Variants in ZNF33A observed in about 807,000 individuals in gnomAD.
The protein encoded by ZNF33A is brain my041 protein.
In ZNF33A, 9 loss-of-function variants were observed where a neutral mutation model predicts 15.9. The observed-to-expected ratio is 0.57, with a 90% confidence interval of 0.34 to 0.99. The LOEUF is 0.99. ZNF33A is among the 50% of genes least tolerant of loss of function. ZNF33A has a pLI of 0.02. For missense variants in ZNF33A, 843 were observed against 941.6 expected, an observed-to-expected ratio of 0.90 and a Z score of 1.37; for synonymous variants, 294 against 324.2, an observed-to-expected ratio of 0.91 and a Z score of 1.00.
At chr10:38,011,549 T>G (rs944295058) in intron 1 of ZNF33A, among the ~76,000 whole-genome samples, 1 of 152,036 alleles carries the variant, frequency 6.6e-6, no homozygotes, top group African/African-American at 2.4e-5. Context: ...CACTCCAGAC[T>G]GGGCAACAAG....
chr10:38,018,149 T>A (rs1476199636), intron 4 of ZNF33A, among the ~76,000 whole-genome samples: 1 of 152,222 alleles, frequency 6.6e-6, no homozygotes, highest in African/African-American at 2.4e-5. Flanking sequence ...ATATTATGTA[T>A]ACCTATATGT....
Position 38,012,280 on chromosome 10 carries a change from C to T in ZNF33A, c.-44-18C>T. The T allele has an allele frequency of 5.6e-6, 9 of 1,608,172 alleles. No homozygotes were observed. The highest frequency in any genetic ancestry group is 7.6e-6 in the Non-Finnish European group (9 of 1,178,416). On this transcript the variant is annotated intron_variant, in intron 1 of 4. Coordinates refer to ENST00000432900, the MANE Select transcript of ZNF33A (RefSeq NM_006954.2). The stretch of plus-strand genomic sequence containing the variant: ...AGGCCAAATCTTTCATGACCCCATT[C>T]CTCTTTTTCTAACTCAGCTGTATCT...
chr10:38,060,736 T>G (rs2066646121), downstream of ZNF33A, among the ~76,000 whole-genome samples: 1 of 152,242 alleles, frequency 6.6e-6, no homozygotes, highest in African/African-American at 2.4e-5. Flanking sequence ...AGTCCAATTT[T>G]AACTAACTGC....
intron 4 of ZNF33A, among the ~76,000 whole-genome samples, chr10:38,030,475 A>G (rs1313909719): frequency 1.3e-5 from 2 of 152,186 alleles, no homozygotes; most frequent in South Asian, 2.1e-4. Context: ...AAAAAACCCA[A>G]TCTCAAAAAT....
At chr10:38,037,933 G>A (rs1032967135) in intron 4 of ZNF33A, among the ~76,000 whole-genome samples, 1 of 152,180 alleles carries the variant, frequency 6.6e-6, no homozygotes, top group African/African-American at 2.4e-5. Flanking sequence ...GGTAGGGATT[G>A]TGTTGAGTTT....
At chr10:38,010,999 C>T (rs1199710709) in intron 1 of ZNF33A, among the ~76,000 whole-genome samples, 1 of 152,126 alleles carries the variant, frequency 6.6e-6, no homozygotes, top group Non-Finnish European at 1.5e-5. Context: ...GTGTGTCGCC[C>T]CATTTGTGGG....
chr10:38,016,098 T>C, intron 2 of ZNF33A: 3 of 985,072 alleles, frequency 3.0e-6, no homozygotes, highest in East Asian at 3.3e-5. Flanking sequence ...ATCCTTATTA[T>C]TGTCTCTGAA....
At position 38,055,211 on chromosome 10, in the gene ZNF33A, G is replaced by T; in HGVS notation, c.1087G>T (p.Glu363Ter). The change falls in exon 5 of 5, where the codon GAA (glutamate) becomes TAA (stop). Residue 363 changes from glutamate to a stop codon, truncating the protein, a stop_gained. Coordinates refer to ENST00000432900, the MANE Select transcript of ZNF33A (RefSeq NM_006954.2). LOFTEE classifies it low-confidence loss of function (END_TRUNC). ...GQKPFQCNEC[E>*]KAFWDKSNLT... ...GAAACCCTTTCAATGTAATGAATGTGAAAAAGCTTTCTGGGATAAGTCAAA... is the reference window on the plus strand; with the variant it reads ...GAAACCCTTTCAATGTAATGAATGTTAAAAAGCTTTCTGGGATAAGTCAAA... The T allele has an allele frequency of 6.2e-7, 1 of 1,614,134 alleles. No homozygotes were observed. The highest frequency in any genetic ancestry group is 1.1e-5 in the South Asian group (1 of 91,086).
rs928489287 is a variant in ZNF33A at position 38,057,425 on chromosome 10, A to G, written c.*865A>G. The G allele has an allele frequency of 1.7e-5, 17 of 985,336 alleles. No homozygotes were observed. Among genetic ancestry groups the G allele is most frequent in the African/African-American group, 3.5e-5 (2 of 57,260 alleles). 61.0% of individuals were successfully genotyped at this position (985,336 alleles called of 1,614,324 possible). The stretch of plus-strand genomic sequence containing the variant: ...TCCCTGAAGTTCAAAAGACTTATAT[A>G]TGTATAAGTGGTATGTGATATAAAT... On this transcript the variant is annotated 3_prime_UTR_variant, in exon 5 of 5. Transcript: ENST00000432900.
At chr10:38,053,506 T>C (rs1457989630) in intron 4 of ZNF33A, among the ~76,000 whole-genome samples, 4 of 152,142 alleles carry the variant, frequency 2.6e-5, no homozygotes, top group African/African-American at 9.7e-5. Context: ...AAAGTCCCCA[T>C]CTTCAAATAC....
upstream of ZNF33A, chr10:38,010,590 G>C: frequency 1.0e-6 from 1 of 995,434 alleles, no homozygotes; most frequent in Middle Eastern, 2.5e-4. Flanking sequence ...GGCCTCACGG[G>C]AAAGGTAGTT....
chr10:38,042,780 T>G (rs1388606067), intron 4 of ZNF33A, among the ~76,000 whole-genome samples: 1 of 152,194 alleles, frequency 6.6e-6, no homozygotes, highest in East Asian at 1.9e-4. Context: ...CTTGAAATCC[T>G]GGGCTTAAGT....
chr10:38,010,768 C>T lies in ZNF33A; in HGVS notation c.-60C>T. On this transcript the variant is annotated 5_prime_UTR_variant, in exon 1 of 5. Coordinates refer to ENST00000432900, the MANE Select transcript of ZNF33A (RefSeq NM_006954.2). ...CGCGCTTTTCTATGGCGAATGCAAC[C>T]CGACGAGGGAGTGGGGTAAGCCCCA... 6.3e-7 allele frequency: 1 copy of T among 1,598,444 alleles called. No individual in the cohort carries two copies. Among genetic ancestry groups the T allele is most frequent in the Non-Finnish European group, 8.5e-7 (1 of 1,179,814 alleles).
chr10:38,055,086 A>G lies in ZNF33A; in HGVS notation c.962A>G (p.Lys321Arg). The G allele has an allele frequency of 6.2e-7, 1 of 1,614,170 alleles. No individual in the cohort carries two copies. The highest frequency in any genetic ancestry group is 1.1e-5 in the South Asian group (1 of 91,084). The change falls in exon 5 of 5, where the codon AAA (lysine) becomes AGA (arginine). Residue 321 changes from lysine (K) to arginine (R), a missense_variant. By Grantham distance (26) the Lys-to-Arg change is conservative. Transcript: ENST00000432900. Reference sequence around the variant, plus strand: ...AAATTGTGTCTGTCACACCTTCAGAAAGGTGATAAAGGAGAGAAACACTTT... The same window carrying G: ...AAATTGTGTCTGTCACACCTTCAGAGAGGTGATAAAGGAGAGAAACACTTT... Reference protein sequence around the residue: ...RRKLCLSHLQKGDKGEKHFEC... With the variant: ...RRKLCLSHLQRGDKGEKHFEC...
At chr10:38,035,251 G>A (rs950491334) in intron 4 of ZNF33A, among the ~76,000 whole-genome samples, 3 of 149,490 alleles carry the variant, frequency 2.0e-5, no homozygotes, top group South Asian at 2.2e-4. Flanking sequence ...TCAAGTAGCC[G>A]GGACTACAGG....
intron 4 of ZNF33A, among the ~76,000 whole-genome samples, chr10:38,029,603 G>A (rs1169407520): frequency 6.6e-6 from 1 of 152,138 alleles, no homozygotes; most frequent in African/African-American, 2.4e-5. Flanking sequence ...GTTTGGAGCT[G>A]TGTACTCCAC....
chr10:38,016,926 C>T lies in ZNF33A; in HGVS notation c.65C>T (p.Thr22Ile), dbSNP rs1290325880. ...TTTAAAGATGTGACTGTGGGCTTCA[C>T]CCAGGAGGAGTGGCAGCACCTGGAC... ...VSFKDVTVGF[T>I]QEEWQHLDPS... The change falls in exon 3 of 5, where the codon ACC (threonine) becomes ATC (isoleucine). Residue 22 changes from threonine to isoleucine, a missense_variant. Coordinates refer to ENST00000432900, the MANE Select transcript of ZNF33A (RefSeq NM_006954.2). 23 of 1,613,956 alleles carry T rather than the reference C, an allele frequency of 1.4e-5. No homozygotes were observed. The highest frequency in any genetic ancestry group is 3.3e-5 in the Admixed American group (2 of 59,950).
intron 2 of ZNF33A, among the ~76,000 whole-genome samples, chr10:38,015,299 C>G (rs1416717553): frequency 1.3e-5 from 2 of 151,814 alleles, no homozygotes; most frequent in Non-Finnish European, 2.9e-5. Flanking sequence ...TCTTGATCTT[C>G]ATATTATGCT....
rs774465495 is a variant in ZNF33A at position 38,056,213 on chromosome 10, G to C, written c.2089G>C (p.Glu697Gln). The C allele has an allele frequency of 1.9e-6, 3 of 1,614,116 alleles. No homozygotes were observed. Among genetic ancestry groups the C allele is most frequent in the Admixed American group, 3.3e-5 (2 of 60,022 alleles). Residue 697 changes from glutamate to glutamine, a missense_variant, in exon 5 of 5, where the codon GAA (glutamate) becomes CAA (glutamine). Physicochemically the swap from Glu to Gln is conservative, Grantham distance 29 (BLOSUM62 2). Coordinates refer to ENST00000432900, the MANE Select transcript of ZNF33A (RefSeq NM_006954.2). ...HTGEKPYECN[E>Q]CGKFFRHKSS... is the part of the protein sequence containing the mutation. ...GGGGGAGAAACCCTATGAATGCAAT[G>C]AATGTGGGAAATTCTTCAGGCACAA... is the stretch of plus-strand genomic sequence containing the variant.
Sources: gnomAD v4.1 joint callset for allele counts (sites outside exome capture counted in the v4.1 genomes callset) on GRCh38, gnomAD v4.1.1 for gene constraint, MANE v1.5 for transcripts, NCBI Gene and HGNC (gene_info 2026-07-23, HGNC 2026-07-21) for gene names.